FLACC1: variants seen among roughly 807,000 people sequenced by gnomAD.
FLACC1 encodes flagellum associated containing coiled-coil domains 1.
FLACC1 carries 66 observed loss-of-function variants against 62.8 expected under a neutral mutation model. That is an observed-to-expected ratio of 1.05 (90% CI 0.86 to 1.29). The LOEUF is 1.29. FLACC1 is among the 50% of genes most tolerant of loss of function. The probability of loss-of-function intolerance (pLI) is 0.00; values close to 1 mark genes in which losing one functional copy is unlikely to be tolerated. For synonymous variants in FLACC1, 156 were observed against 161.0 expected, an observed-to-expected ratio of 0.97 and a Z score of 0.24; for missense variants, 452 against 489.1, an observed-to-expected ratio of 0.92 and a Z score of 0.71.
At chr2:201,301,020 T>C (rs575894618) in intron 11 of FLACC1, among the ~76,000 whole-genome samples, 1 of 152,266 alleles carries the variant, frequency 6.6e-6, no homozygotes, top group African/African-American at 2.4e-5. Flanking sequence ...GAGCGACTCT[T>C]CTCCTCCAAA....
At chr2:201,330,664 C>T (rs959617503) in intron 8 of FLACC1, 72 bp downstream of exon 8, 3 of 1,565,730 alleles carry the variant, frequency 1.9e-6, no homozygotes, top group African/African-American at 2.7e-5. Flanking sequence ...TTGGAAATCA[C>T]CCTAGAAGCT....
intron 9 of FLACC1, among the ~76,000 whole-genome samples, chr2:201,318,856 CA>C (rs1479680833): frequency 1.3e-5 from 2 of 152,140 alleles, no homozygotes; most frequent in African/African-American, 4.8e-5. Context: ...GAAAACCAAA[CA>C]TCGTATGTTC....
At chr2:201,327,141 T>A (rs1950512715) in intron 9 of FLACC1, among the ~76,000 whole-genome samples, 1 of 151,986 alleles carries the variant, frequency 6.6e-6, no homozygotes, top group South Asian at 2.1e-4. Context: ...TGAAACTGGA[T>A]CCATATTTCT....
At chr2:201,356,757 G>A (rs868694235) in intron 1 of FLACC1, among the ~76,000 whole-genome samples, 1 of 152,138 alleles carries the variant, frequency 6.6e-6, no homozygotes, top group Non-Finnish European at 1.5e-5. Flanking sequence ...TGCATTTACA[G>A]TGGCTTGACA....
Position 201,351,274 on chromosome 2 carries a change from A to G in FLACC1, c.113+18T>C, listed in dbSNP as rs531192334. 1 of 1,575,864 alleles carries G rather than the reference A, an allele frequency of 6.3e-7. No homozygotes were observed. Among genetic ancestry groups the G allele is most frequent in the East Asian group, 2.2e-5 (1 of 44,692 alleles). On this transcript the variant is annotated intron_variant, in intron 2 of 14. Coordinates refer to ENST00000392257, the MANE Select transcript of FLACC1 (RefSeq NM_001127391.3). Reference sequence around the variant, plus strand: ...ATCCCAAGGTCCCTGTGCCTACCCCATCCCAGATAATTCTTACTTGGAACT... The same window carrying G: ...ATCCCAAGGTCCCTGTGCCTACCCCGTCCCAGATAATTCTTACTTGGAACT...
At chr2:201,344,026 A>G in intron 6 of FLACC1, 144 bp downstream of exon 6, 2 of 655,614 alleles carry the variant, frequency 3.1e-6, no homozygotes, top group Non-Finnish European at 2.6e-6. Context: ...ACTGAGTGAC[A>G]CAGTCCAATC....
rs565176156 is a variant in FLACC1 at position 201,307,161 on chromosome 2, C to T, written c.879+358G>A. On this transcript the variant is annotated intron_variant, in intron 11 of 14. Transcript: ENST00000392257. ...GTTAAACCTGTACCTGCCCTAGCGC[C>T]CAGTAATAGCACTACAGCTATAACA... Among the ~76,000 whole-genome samples, 7 of 152,168 alleles carry T rather than the reference C, an allele frequency of 4.6e-5. No individual in the cohort carries two copies. In the East Asian group the frequency reaches 1.3e-3, roughly 29 times the overall value.
At chr2:201,363,485 G>A in the FLACC1 span, among the ~76,000 whole-genome samples, 16 of 151,688 alleles carry the variant, frequency 1.1e-4, no homozygotes, top group East Asian at 5.8e-4. Context: ...AGCCTGAGCC[G>A]CTGCCCCTCC....
At chr2:201,289,400 AACTCCTTCCC>A in intron 14 of FLACC1, 47 bp downstream of exon 14, 3 of 1,537,128 alleles carry the variant, frequency 2.0e-6, no homozygotes, top group Non-Finnish European at 1.8e-6. Context: ...TCCTCACTCA[AACTCCTTCCC>A]ACTCCTAAAG....
chr2:201,302,138 G>A (rs1949998609), intron 11 of FLACC1, among the ~76,000 whole-genome samples: 1 of 152,124 alleles, frequency 6.6e-6, no homozygotes. Flanking sequence ...ACACAGACTG[G>A]CAAATTGGAT....
chr2:201,319,731 AGTTT>A (rs1950368067), intron 9 of FLACC1, among the ~76,000 whole-genome samples: 2 of 152,316 alleles, frequency 1.3e-5, no homozygotes, highest in African/African-American at 4.8e-5. Flanking sequence ...AGAAGACAGA[AGTTT>A]GTTTGTGTTT....
rs756519515 is a variant in FLACC1, at chr2:201,307,500, G to T, written c.879+19C>A. ...CTGGACTACCCATTCAATCACCAAGGTGCTTTGGGCTGAGTTACCTCCTTC... is the reference window on the plus strand; with the variant it reads ...CTGGACTACCCATTCAATCACCAAGTTGCTTTGGGCTGAGTTACCTCCTTC... On this transcript the variant is annotated intron_variant, in intron 11 of 14. Transcript: ENST00000392257. The T allele has an allele frequency of 6.3e-7, 1 of 1,595,308 alleles. No homozygotes were observed. Among genetic ancestry groups the T allele is most frequent in the East Asian group, 2.2e-5 (1 of 44,802 alleles).
chr2:201,304,683 T>C (rs1034643409), intron 11 of FLACC1, among the ~76,000 whole-genome samples: 5 of 152,118 alleles, frequency 3.3e-5, no homozygotes, highest in African/African-American at 1.2e-4. Context: ...CTTCAAACTA[T>C]ACTACAAGGC....
intron 9 of FLACC1, among the ~76,000 whole-genome samples, chr2:201,310,773 G>T (rs1198835810): frequency 2.6e-5 from 4 of 151,878 alleles, no homozygotes; most frequent in Non-Finnish European, 5.9e-5. Flanking sequence ...GCTAGGAGAA[G>T]AAAAGAAATA....
intron 9 of FLACC1, among the ~76,000 whole-genome samples, chr2:201,329,359 G>A (rs1950549795): frequency 6.6e-6 from 1 of 152,216 alleles, no homozygotes. Flanking sequence ...ATGTAAATTA[G>A]TTCATTGCCG....
intron 9 of FLACC1, among the ~76,000 whole-genome samples, chr2:201,325,862 C>T (rs575677226): frequency 6.6e-6 from 1 of 152,014 alleles, no homozygotes; most frequent in African/African-American, 2.4e-5. Context: ...CAGGAAAGAA[C>T]ACAACAAATA....
At chr2:201,339,016 A>G (rs1046344526) in intron 7 of FLACC1, among the ~76,000 whole-genome samples, 2 of 151,032 alleles carry the variant, frequency 1.3e-5, no homozygotes, top group African/African-American at 5.0e-5. Flanking sequence ...TATGTTTGGT[A>G]GAATTTGATA....
At chr2:201,327,818 G>A (rs754455760) in intron 9 of FLACC1, among the ~76,000 whole-genome samples, 3 of 152,106 alleles carry the variant, frequency 2.0e-5, no homozygotes, top group Admixed American at 1.3e-4. Flanking sequence ...GATCTCTACC[G>A]AAAGGAAAAT....
chr2:201,344,867 A>G (rs1261841516), intron 5 of FLACC1, among the ~76,000 whole-genome samples: 1 of 152,228 alleles, frequency 6.6e-6, no homozygotes, highest in Non-Finnish European at 1.5e-5. Context: ...TCCTCAATGC[A>G]AGATGCTTTG....
Sources: allele counts gnomAD v4.1 joint callset (sites outside exome capture counted in the v4.1 genomes callset), GRCh38; gene constraint gnomAD v4.1.1; transcripts MANE v1.5; gene names NCBI Gene and HGNC (gene_info 2026-07-23, HGNC 2026-07-21).